DNAH17: variants seen among roughly 807,000 people sequenced by gnomAD.
DNAH17 encodes the protein axonemal beta dynein heavy chain 17.
A neutral mutation model predicts 485.6 loss-of-function variants in DNAH17; 376 were observed. The observed-to-expected ratio is 0.77, with a 90% CI of 0.71 to 0.84. DNAH17 has a LOEUF of 0.84. Among genes scored for constraint, DNAH17 ranks in the 40% least tolerant of loss-of-function variants. The pLI, the probability that DNAH17 is intolerant of heterozygous loss-of-function variation, is 0.00. For missense variants in DNAH17, 6,370 were observed against 5,839.3 expected (o/e 1.09, Z -2.96); for synonymous variants, 3,031 against 2,405.9 (o/e 1.26, Z -7.60).
chr17:78,461,559 G>A lies in DNAH17; in HGVS notation c.9324C>T (p.Val3108=), dbSNP rs142539549. 29 of 1,596,282 alleles carry A rather than the reference G, an allele frequency of 1.8e-5. No homozygotes were observed. Among genetic ancestry groups the A allele is most frequent in the African/African-American group, 4.0e-5 (3 of 74,684 alleles). Residue 3108 remains valine (V), a synonymous_variant, in exon 58 of 81, where the codon GTC becomes GTT. Transcript: ENST00000389840. The part of the protein sequence containing the change: ...KAIADQEEVK[V]EVINKNVTEK... ...CTTCACCTACCTTATTGATGACCTC[G>A]ACCTTGACTTCTTCCTGGTCAGCAA...
Position 78,542,663 on chromosome 17 carries a change from C to T in DNAH17, c.2532+1194G>A, listed in dbSNP as rs182427256. ...TGCATTCTCCCACTGAATGTGCCAA[C>T]CATGGGGGCTCCCAGGAGGCTGGTA... On this transcript the variant is annotated intron_variant, in intron 17 of 80. Transcript: ENST00000389840. 1.6e-3 allele frequency among the ~76,000 whole-genome samples: 239 copies of T among 152,304 alleles called. 4 individuals carry two copies. The highest frequency in any genetic ancestry group is 3.6e-3 in the Admixed American group (55 of 15,296).
At chr17:78,479,389 A>C in intron 50 of DNAH17, 96 bp downstream of exon 50, 1 of 1,368,024 alleles carries the variant, frequency 7.3e-7, no homozygotes, top group South Asian at 1.6e-5. Context: ...TTAGAATTAT[A>C]AATAAAATAT....
In DNAH17 at chr17:78,551,582, T is replaced by G. The variant is rs750938652; in HGVS notation, c.2344A>C (p.Met782Leu). 1.2e-6 allele frequency: 2 copies of G among 1,614,064 alleles called. No homozygotes were observed. Among genetic ancestry groups the G allele is most frequent in the East Asian group, 4.5e-5 (2 of 44,894 alleles). ...TCTATATTTTGTTTTGCCTTTTGCATCCTGTTCTGCAAGTTGTGCAGAATT... is the reference window on the plus strand; with the variant it reads ...TCTATATTTTGTTTTGCCTTTTGCAGCCTGTTCTGCAAGTTGTGCAGAATT... ...REILHNLQNR[M>L]QKAKQNIEGI... The change falls in exon 16 of 81, where the codon ATG becomes CTG. Residue 782 changes from methionine to leucine, a missense_variant. By Grantham distance (15) the Met-to-Leu change is conservative. Coordinates refer to ENST00000389840, the MANE Select transcript of DNAH17 (RefSeq NM_173628.4).
At chr17:78,438,936 C>G in intron 73 of DNAH17, 154 bp downstream of exon 73, 1 of 1,180,212 alleles carries the variant, frequency 8.5e-7, no homozygotes, top group South Asian at 1.7e-5. Flanking sequence ...AGAGCCGACA[C>G]TGGGGATGCC....
At chr17:78,480,826 T>G in intron 48 of DNAH17, 40 bp from the exon 49 acceptor site, 1 of 1,464,582 alleles carries the variant, frequency 6.8e-7, no homozygotes. Context: ...GCCCCTGGCC[T>G]GGAGGAACCA....
chr17:78,530,318 C>T, intron 21 of DNAH17, 25 bp downstream of exon 21: 1 of 1,587,026 alleles, frequency 6.3e-7, no homozygotes, highest in Non-Finnish European at 8.6e-7. Context: ...CCTTGGGCTC[C>T]CCGAGTACAT....
intron 17 of DNAH17, among the ~76,000 whole-genome samples, chr17:78,541,539 G>C (rs2091588959): frequency 6.6e-6 from 1 of 151,914 alleles, no homozygotes; most frequent in African/African-American, 2.4e-5. Flanking sequence ...AATAACTTCA[G>C]CATAAGATAA....
chr17:78,436,616 G>C (rs2086857333), intron 74 of DNAH17, among the ~76,000 whole-genome samples: 1 of 152,106 alleles, frequency 6.6e-6, no homozygotes. Flanking sequence ...GCCTGAGGCA[G>C]GTGGATCACC....
intron 50 of DNAH17, 44 bp from the exon 51 acceptor site, chr17:78,479,160 G>A (rs752678961): frequency 3.1e-6 from 5 of 1,589,656 alleles, no homozygotes; most frequent in South Asian, 1.1e-5. Context: ...TACTCTTGAT[G>A]GCCCCAGGAA....
intron 14 of DNAH17, among the ~76,000 whole-genome samples, chr17:78,555,215 T>A (rs531516397): frequency 1.6e-4 from 24 of 152,276 alleles, no homozygotes; most frequent in Admixed American, 1.3e-3. Flanking sequence ...AGCAAGACGA[T>A]GTGTAGCAGG....
chr17:78,534,893 A>G (rs140426134), intron 19 of DNAH17, among the ~76,000 whole-genome samples: 4 of 152,138 alleles, frequency 2.6e-5, no homozygotes, highest in Non-Finnish European at 5.9e-5. Context: ...TACCCATGGG[A>G]AGCATCCCTT....
intron 21 of DNAH17, 108 bp from the exon 22 acceptor site, chr17:78,529,802 T>G: frequency 8.8e-7 from 1 of 1,135,744 alleles, no homozygotes. Context: ...CAACTGGCCA[T>G]CACTGAAGGC....
intron 25 of DNAH17, among the ~76,000 whole-genome samples, chr17:78,519,254 A>G (rs1050632611): frequency 6.6e-6 from 1 of 152,080 alleles, no homozygotes; most frequent in Non-Finnish European, 1.5e-5. Context: ...AAAAGAAATT[A>G]AAAAACACAC....
In DNAH17 at chr17:78,565,647, C is replaced by G. The variant is rs570246183; in HGVS notation, c.1569+967G>C. Among the ~76,000 whole-genome samples the G allele has an allele frequency of 1.2e-4, 18 of 152,302 alleles. 2 individuals carry two copies. In the South Asian group the frequency reaches 3.5e-3, roughly 30 times the overall value. On this transcript the variant is annotated intron_variant, in intron 11 of 80. Transcript: ENST00000389840. ...ATGGGCCTGGGAAACATAGCAAAACCTTGTCTCTACAGAAACAAAAAGTAG... is the reference window on the plus strand; with the variant it reads ...ATGGGCCTGGGAAACATAGCAAAACGTTGTCTCTACAGAAACAAAAAGTAG...
chr17:78,561,073 G>T, intron 12 of DNAH17, 138 bp from the exon 13 acceptor site: 1 of 796,524 alleles, frequency 1.3e-6, no homozygotes, highest in Non-Finnish European at 2.0e-6. Context: ...GACTGAATAT[G>T]CAAACAAGCA....
At chr17:78,552,843 A>G (rs1333075148) in intron 14 of DNAH17, 38 bp from the exon 15 acceptor site, 6 of 1,447,716 alleles carry the variant, frequency 4.1e-6, no homozygotes, top group East Asian at 4.5e-5. Context: ...TCCGAGTCCA[A>G]CCAGATTTTA....
At chr17:78,553,283 G>GGTTTTTTTTTTTTTTTTTTTTTTTTTTT (rs2091944708) in intron 14 of DNAH17, among the ~76,000 whole-genome samples, 2 of 51,018 alleles carry the variant, frequency 3.9e-5, no homozygotes, top group African/African-American at 9.0e-5. Flanking sequence ...AGGTTTTTGT[G>GGTTTTTTTTTTTTTTTTTTTTTTTTTTT]TTTTTTTTTT....
intron 31 of DNAH17, among the ~76,000 whole-genome samples, chr17:78,504,952 C>A (rs1396293950): frequency 8.6e-6 from 1 of 116,356 alleles, no homozygotes; most frequent in Non-Finnish European, 1.6e-5. Flanking sequence ...GTCACCCAGG[C>A]TGGAGTGCAG....
intron 48 of DNAH17, among the ~76,000 whole-genome samples, chr17:78,482,520 T>C (rs924749080): frequency 2.0e-5 from 3 of 152,228 alleles, no homozygotes; most frequent in South Asian, 2.1e-4. Context: ...TTAACTTTCA[T>C]TTAAATCACA....
Sources: allele counts gnomAD v4.1 joint callset (sites outside exome capture counted in the v4.1 genomes callset), GRCh38; gene constraint gnomAD v4.1.1; transcripts MANE v1.5; gene names NCBI Gene and HGNC (gene_info 2026-07-23, HGNC 2026-07-21).